The following ASAP2 variants were observed in gnomAD, a reference collection of about 807,000 sequenced individuals.
ASAP2 encodes arf-GAP with SH3 domain, ANK repeat and PH domain-containing protein 2.
In ASAP2, 45 loss-of-function variants were observed where a neutral mutation model predicts 131.4. The ratio of observed to expected loss-of-function variants is 0.34; its 90% CI spans 0.27 to 0.44. The LOEUF is 0.44. Ranked by LOEUF, ASAP2 falls within the 20% of genes least tolerant of loss-of-function variation. The probability of loss-of-function intolerance (pLI) is 1.00; values close to 1 mark genes in which losing one functional copy is unlikely to be tolerated. For missense variants in ASAP2, 1,011 were observed against 1,297.0 expected, an observed-to-expected ratio of 0.78 and a Z score of 3.39; for synonymous variants, 510 against 503.0, an observed-to-expected ratio of 1.01 and a Z score of -0.19.
In ASAP2 at chr2:9,297,350, G is replaced by A. The variant is rs199504138; in HGVS notation, c.250G>A (p.Gly84Ser). The A allele has an allele frequency of 3.2e-5, 52 of 1,614,090 alleles. No homozygotes were observed. Among genetic ancestry groups the A allele is most frequent in the South Asian group, 1.8e-4 (16 of 91,072 alleles). ...QYTQALEKFG[G>S]NCVCRDDPDL... ...CACCCAGGCTCTGGAGAAGTTTGGC[G>A]GCAACTGTGTATGCAGAGATGACCC... The change falls in exon 3 of 28, where the codon GGC becomes AGC. Residue 84 changes from glycine to serine, a missense_variant. Physicochemically the swap from Gly to Ser is moderately conservative, Grantham distance 56. Coordinates refer to ENST00000281419, the MANE Select transcript of ASAP2 (RefSeq NM_003887.3).
chr2:9,209,219 A>G (rs1473607546), intron 1 of ASAP2, among the ~76,000 whole-genome samples: 2 of 152,218 alleles, frequency 1.3e-5, no homozygotes, highest in Non-Finnish European at 2.9e-5. Flanking sequence ...GGTTTATTTC[A>G]CTTTAAGCAA....
intron 1 of ASAP2, among the ~76,000 whole-genome samples, chr2:9,251,828 G>T (rs999753989): frequency 4.6e-5 from 7 of 152,152 alleles, no homozygotes; most frequent in Non-Finnish European, 5.9e-5. Flanking sequence ...AAGACTGAAT[G>T]TGAGTTTTCT....
intron 9 of ASAP2, among the ~76,000 whole-genome samples, chr2:9,337,750 G>T (rs562567428): frequency 1.3e-5 from 2 of 152,066 alleles, no homozygotes; most frequent in Admixed American, 6.6e-5. Flanking sequence ...AGCTTGTGCC[G>T]TTCTGGTCCC....
chr2:9,296,983 A>G lies in ASAP2; in HGVS notation c.200-317A>G, dbSNP rs576759673. Among the ~76,000 whole-genome samples the G allele has an allele frequency of 3.3e-5, 5 of 152,296 alleles. No homozygotes were observed. The South Asian group carries it at 8.3e-4, about 25-fold the overall frequency. ...GGGGCTGAGTCTGGTGAGTTGTGCC[A>G]TCATTTGGTGAAGGAAGAGTCCTCG... is the stretch of plus-strand genomic sequence containing the variant. On this transcript the variant is annotated intron_variant, in intron 2 of 27. Transcript: ENST00000281419.
At chr2:9,295,974 C>G (rs929160724) in intron 2 of ASAP2, among the ~76,000 whole-genome samples, 1 of 152,184 alleles carries the variant, frequency 6.6e-6, no homozygotes. Flanking sequence ...CCCACATTGT[C>G]AGGCCCAGCC....
At chr2:9,371,232 C>T (rs551471717) in intron 16 of ASAP2, among the ~76,000 whole-genome samples, 1 of 152,322 alleles carries the variant, frequency 6.6e-6, no homozygotes, top group South Asian at 2.1e-4. Context: ...GGCGAAACAT[C>T]AGCTACTTCC....
chr2:9,368,391 T>C (rs1347183924), intron 15 of ASAP2, 34 bp from the exon 16 acceptor site: 2 of 1,565,764 alleles, frequency 1.3e-6, no homozygotes, highest in African/African-American at 2.7e-5. Flanking sequence ...GTATTAATAA[T>C]TGAGTATCCT....
At chr2:9,213,896 G>A (rs1257807482) in intron 1 of ASAP2, among the ~76,000 whole-genome samples, 2 of 152,196 alleles carry the variant, frequency 1.3e-5, no homozygotes, top group Non-Finnish European at 2.9e-5. Flanking sequence ...CTTGTGTTGG[G>A]ACCAGTTCCA....
chr2:9,359,050 A>G (rs1360710913), intron 15 of ASAP2, among the ~76,000 whole-genome samples, 161 bp downstream of exon 15: 4 of 152,190 alleles, frequency 2.6e-5, no homozygotes, highest in African/African-American at 7.2e-5. Context: ...ATTTTTAGCT[A>G]CTTGTGGTTG....
intron 15 of ASAP2, 83 bp downstream of exon 15, chr2:9,358,972 G>T: frequency 6.7e-7 from 1 of 1,484,836 alleles, no homozygotes. Context: ...ATCCATTTTG[G>T]TAAGCTAGTG....
At chr2:9,349,427 A>G (rs1424655154) in intron 11 of ASAP2, among the ~76,000 whole-genome samples, 1 of 152,178 alleles carries the variant, frequency 6.6e-6, no homozygotes, top group Non-Finnish European at 1.5e-5. Context: ...TGTTTCTAGA[A>G]ATAGATCATT....
intron 1 of ASAP2, among the ~76,000 whole-genome samples, chr2:9,238,695 G>A (rs1238650380): frequency 6.6e-6 from 1 of 151,424 alleles, no homozygotes; most frequent in Non-Finnish European, 1.5e-5. Flanking sequence ...GTTTTTTTTT[G>A]GTGGCATAAT....
chr2:9,244,535 GAC>G (rs1472449604), intron 1 of ASAP2, among the ~76,000 whole-genome samples: 2 of 152,180 alleles, frequency 1.3e-5, no homozygotes. Flanking sequence ...CAGAGTGTGC[GAC>G]ACAGTTAATG....
chr2:9,404,640 A>G lies in ASAP2; in HGVS notation c.*1313A>G, dbSNP rs1677044154. Reference sequence around the variant, plus strand: ...AAAGTAAAGGAATAAATTTGCATATAGGCTTGGAAAGTGAGGCAGCAATGC... The same window carrying G: ...AAAGTAAAGGAATAAATTTGCATATGGGCTTGGAAAGTGAGGCAGCAATGC... On this transcript the variant is annotated 3_prime_UTR_variant, in exon 28 of 28. Coordinates refer to ENST00000281419, the MANE Select transcript of ASAP2 (RefSeq NM_003887.3). 6.6e-6 allele frequency: 1 copy of G among 152,614 alleles called. No individual in the cohort carries two copies. The highest frequency in any genetic ancestry group is 6.5e-5 in the Admixed American group (1 of 15,278). 9.5% of individuals were successfully genotyped at this position (152,614 alleles called of 1,614,324 possible). A position where few individuals can be genotyped will look rare whatever the true frequency, so the allele number is the denominator to read the frequency against.
intron 3 of ASAP2, among the ~76,000 whole-genome samples, chr2:9,301,731 C>G (rs139999557): frequency 6.6e-6 from 1 of 151,780 alleles, no homozygotes; most frequent in Non-Finnish European, 1.5e-5. Context: ...AGCATGAGAT[C>G]TGAGGTGACC....
chr2:9,399,700 A>C (rs1676462031), intron 24 of ASAP2: 2 of 400,112 alleles, frequency 5.0e-6, no homozygotes, highest in Non-Finnish European at 9.2e-6. Context: ...GGACCAAGGC[A>C]GGGAAGGGGC....
chr2:9,232,340 G>A lies in ASAP2; in HGVS notation c.126+25110G>A, dbSNP rs1277334363. The stretch of plus-strand genomic sequence containing the variant: ...CGTATCTCCCTGCCTGTTCTGTGAA[G>A]TTCAGCCCAGTGCCCCTTCCTTGGA... On this transcript the variant is annotated intron_variant, in intron 1 of 27. Coordinates refer to ENST00000281419, the MANE Select transcript of ASAP2 (RefSeq NM_003887.3). This position sits in a 1 kb window ranked among gnomAD's most constrained non-coding sequence, Gnocchi z 4.1. Among the ~76,000 whole-genome samples the A allele has an allele frequency of 1.3e-5, 2 of 152,176 alleles. No individual in the cohort carries two copies. The highest frequency in any genetic ancestry group is 2.9e-5 in the Non-Finnish European group (2 of 68,036).
intron 1 of ASAP2, among the ~76,000 whole-genome samples, chr2:9,272,353 C>T (rs1390153098): frequency 6.6e-6 from 1 of 152,090 alleles, no homozygotes; most frequent in African/African-American, 2.4e-5. Flanking sequence ...ATTTGTATGT[C>T]TTCTTTGGAG....
At chr2:9,255,306 C>G (rs1665081318) in intron 1 of ASAP2, among the ~76,000 whole-genome samples, 1 of 152,200 alleles carries the variant, frequency 6.6e-6, no homozygotes, top group South Asian at 2.1e-4. Context: ...ACCTGAAGGG[C>G]TGTTCAGGAG....
Sources: gnomAD v4.1 joint callset for allele counts (sites outside exome capture counted in the v4.1 genomes callset) on GRCh38, gnomAD v4.1.1 for gene constraint, Gnocchi (gnomAD v3.1) non-coding constraint, MANE v1.5 for transcripts, NCBI Gene and HGNC (gene_info 2026-07-23, HGNC 2026-07-21) for gene names.